The following DNA2 variants were observed in gnomAD, a reference collection of about 807,000 sequenced individuals.
DNA2 encodes DNA replication helicase/nuclease 2, also known as DNA replication ATP-dependent helicase/nuclease DNA2.
In DNA2, 101 loss-of-function variants were observed where a neutral mutation model predicts 119.1. The observed-to-expected ratio is 0.85, with a 90% confidence interval of 0.72 to 1.00. The LOEUF (loss-of-function observed/expected upper bound fraction) is 1.00. DNA2 is among the 50% of genes least tolerant of loss of function. DNA2 has a pLI of 0.00. For missense variants in DNA2, 1,121 were observed against 1,255.5 expected (o/e 0.89, Z 1.62); for synonymous variants, 366 against 424.4 (o/e 0.86, Z 1.69).
In DNA2 at chr10:68,436,465, T is replaced by G. The variant is rs542727069; in HGVS notation, c.1646+546A>C. On this transcript the variant is annotated intron_variant, in intron 10 of 20. Transcript: ENST00000358410. ...TGCGTAATAGGAATGAGGTTTCCTT[T>G]TAGGGTGATAAAAGTGTCTTAGAAA... 5.6e-4 allele frequency among the ~76,000 whole-genome samples: 86 copies of G among 152,260 alleles called. 1 individual carries two copies. The highest frequency in any genetic ancestry group is 9.9e-4 in the Non-Finnish European group (67 of 68,016).
In DNA2 at chr10:68,468,211, A is replaced by C; in HGVS notation, c.353T>G (p.Ile118Ser). ...AGAAATCAGCATGTCTGGATACAGA[A>C]TCAAATATCCAAAATCTTTATCTAT... ...WIIDKDFGYL[I>S]LYPDMLISGT... Residue 118 changes from isoleucine (I) to serine (S), a missense_variant, in exon 3 of 21, where the codon ATT (isoleucine) becomes AGT (serine). Physicochemically the swap from Ile to Ser is moderately radical, Grantham distance 142. Transcript: ENST00000358410. 1 of 1,612,718 alleles carries C rather than the reference A, an allele frequency of 6.2e-7. No individual in the cohort carries two copies. Among genetic ancestry groups the C allele is most frequent in the Non-Finnish European group, 8.5e-7 (1 of 1,179,478 alleles).
chr10:68,431,439 T>C (rs150294857), intron 13 of DNA2, among the ~76,000 whole-genome samples: 1 of 151,916 alleles, frequency 6.6e-6, no homozygotes, highest in African/African-American at 2.4e-5. Context: ...CGCATGCCAC[T>C]ACGCCCGGCT....
chr10:68,463,526 C>T (rs993076910), intron 4 of DNA2, among the ~76,000 whole-genome samples: 19 of 149,368 alleles, frequency 1.3e-4, no homozygotes, highest in Non-Finnish European at 2.5e-4. Flanking sequence ...CTATTCCAGG[C>T]GTGGTGGCAG....
intron 3 of DNA2, 118 bp from the exon 4 acceptor site, chr10:68,465,930 A>G: frequency 1.1e-6 from 1 of 950,950 alleles, no homozygotes; most frequent in Non-Finnish European, 1.4e-6. Flanking sequence ...AAATGCCAAA[A>G]TATTAAAAAA....
chr10:68,439,265 A>G (rs2133390784), intron 9 of DNA2, among the ~76,000 whole-genome samples: 1 of 148,420 alleles, frequency 6.7e-6, no homozygotes, highest in South Asian at 2.2e-4. Context: ...GTGGTGGTGC[A>G]TGCCTGTAAT....
chr10:68,444,223 C>G (rs1039861858), intron 8 of DNA2, among the ~76,000 whole-genome samples: 19 of 151,830 alleles, frequency 1.3e-4, no homozygotes, highest in Non-Finnish European at 2.5e-4. Context: ...AACCCTGTCT[C>G]TACTAAAAAT....
In DNA2 at chr10:68,452,994, G is replaced by C. The variant is rs141470688; in HGVS notation, c.720-2747C>G. Among the ~76,000 whole-genome samples, 821 of 151,276 alleles carry C rather than the reference G, an allele frequency of 5.4e-3. 6 individuals carry two copies. Among genetic ancestry groups the C allele is most frequent in the Non-Finnish European group, 9.3e-3 (631 of 67,864 alleles). On this transcript the variant is annotated intron_variant, in intron 5 of 20. Coordinates refer to ENST00000358410, the MANE Select transcript of DNA2 (RefSeq NM_001080449.3). ...CGGCTCACTGCAACTTCCACCTCCC[G>C]GGTTCAAGCAACTCTCCCATTTCAG...
At chr10:68,448,932 GGTGTGT>G (rs776191186) in intron 6 of DNA2, among the ~76,000 whole-genome samples, 625 of 142,276 alleles carry the variant, frequency 4.4e-3, no homozygotes, top group African/African-American at 0.012. Flanking sequence ...CACCACACCA[GGTGTGT>G]GTGTGTGTGT....
Position 68,471,933 on chromosome 10 carries a change from G to T in DNA2, c.-69C>A. The T allele has an allele frequency of 6.2e-7, 1 of 1,613,562 alleles. No individual in the cohort carries two copies. Among genetic ancestry groups the T allele is most frequent in the Non-Finnish European group, 8.5e-7 (1 of 1,179,544 alleles). On this transcript the variant is annotated 5_prime_UTR_variant, in exon 1 of 21. Transcript: ENST00000358410. ...AACCGGGGGTAACACAGAAAGCTTA[G>T]AAAAGGGAAAAAGGCGCGAGCCTGC...
chr10:68,415,524 T>C (rs900374623), intron 20 of DNA2, among the ~76,000 whole-genome samples: 1 of 152,092 alleles, frequency 6.6e-6, no homozygotes, highest in Non-Finnish European at 1.5e-5. Context: ...AGTCCGCCTG[T>C]CTCAGCCTCC....
chr10:68,432,338 T>C (rs777270223), intron 11 of DNA2, 23 bp from the exon 12 acceptor site: 1 of 1,575,594 alleles, frequency 6.3e-7, no homozygotes, highest in Middle Eastern at 1.7e-4. Context: ...AAAGCACTTT[T>C]AGTAATATTC....
intron 3 of DNA2, 127 bp downstream of exon 3, chr10:68,467,995 TA>T: frequency 1.4e-6 from 1 of 698,350 alleles, no homozygotes; most frequent in Non-Finnish European, 2.1e-6. Flanking sequence ...TCCTCATCTA[TA>T]AAATGCAGCT....
chr10:68,435,751 G>A (rs534697817), intron 10 of DNA2, among the ~76,000 whole-genome samples: 17 of 152,152 alleles, frequency 1.1e-4, no homozygotes, highest in Admixed American at 9.8e-4. Context: ...ACCACGCCCC[G>A]CCTATATATT....
In DNA2 at chr10:68,447,447, G is replaced by A. The variant is rs562349867; in HGVS notation, c.940-1034C>T. 2.7e-5 allele frequency among the ~76,000 whole-genome samples: 4 copies of A among 150,756 alleles called. No homozygotes were observed. In the South Asian group the frequency reaches 6.3e-4, roughly 24 times the overall value. On this transcript the variant is annotated intron_variant, in intron 6 of 20. Coordinates refer to ENST00000358410, the MANE Select transcript of DNA2 (RefSeq NM_001080449.3). ...CAGGAGAATTGCTTGAACCCGGGAG[G>A]TGGAGGTTGCACTGAGTCGAAATCG...
intron 14 of DNA2, chr10:68,424,910 A>C: frequency 1.4e-6 from 1 of 712,242 alleles, no homozygotes; most frequent in Non-Finnish European, 2.6e-6. Context: ...ATCGGAAAAA[A>C]ATTATTGAAC....
In DNA2 at chr10:68,443,101, G is replaced by T; in HGVS notation, c.1231C>A (p.Gln411Lys). Reference sequence around the variant, plus strand: ...GGGACTGAACTACAATCCATCTGTTGTTCAACTGCTCTAAATATAAAGTTC... The same window carrying T: ...GGGACTGAACTACAATCCATCTGTTTTTCAACTGCTCTAAATATAAAGTTC... ...NCALYSRAVE[Q>K]QMDCSSVPIV... Residue 411 changes from glutamine (Q) to lysine (K), a missense_variant, in exon 9 of 21, where the codon CAA becomes AAA. By Grantham distance (53) the Gln-to-Lys change is moderately conservative. Transcript: ENST00000358410. The T allele has an allele frequency of 6.4e-7, 1 of 1,565,036 alleles. No homozygotes were observed. The highest frequency in any genetic ancestry group is 1.2e-5 in the South Asian group (1 of 84,730).
chr10:68,428,759 A>T (rs1276467189), intron 14 of DNA2, among the ~76,000 whole-genome samples: 1 of 152,214 alleles, frequency 6.6e-6, no homozygotes, highest in Admixed American at 6.6e-5. Flanking sequence ...CGAACGACCA[A>T]ATTATCGAAA....
At chr10:68,434,369 T>C (rs551193386) in intron 10 of DNA2, among the ~76,000 whole-genome samples, 6 of 151,940 alleles carry the variant, frequency 3.9e-5, no homozygotes, top group Non-Finnish European at 8.8e-5. Context: ...GAAAATAAGC[T>C]GGGTGTAGTA....
chr10:68,467,212 C>G (rs1054659680), intron 3 of DNA2, among the ~76,000 whole-genome samples: 1 of 151,644 alleles, frequency 6.6e-6, no homozygotes, highest in African/African-American at 2.4e-5. Context: ...CTCCAGGGTT[C>G]AAGCAATTCT....
Sources: gnomAD v4.1 joint callset for allele counts (sites outside exome capture counted in the v4.1 genomes callset) on GRCh38, gnomAD v4.1.1 for gene constraint, MANE v1.5 for transcripts, NCBI Gene and HGNC (gene_info 2026-07-23, HGNC 2026-07-21) for gene names.